GPC5: variants seen among roughly 807,000 people sequenced by gnomAD.
The protein encoded by GPC5 is glypican 5, also known as glypican-5.
A neutral mutation model predicts 53.9 loss-of-function variants in GPC5; 47 were observed. That is an observed-to-expected ratio of 0.87 (90% CI 0.69 to 1.11). The LOEUF is 1.11. GPC5 is among the 50% of genes most tolerant of loss of function. The probability of loss-of-function intolerance (pLI) is 0.00; values close to 1 mark genes in which losing one functional copy is unlikely to be tolerated. For synonymous variants in GPC5, 286 were observed against 263.3 expected (o/e 1.09, Z -0.84); for missense variants, 748 against 713.1 (o/e 1.05, Z -0.56).
chr13:91,724,486 T>G (rs2036538115), intron 3 of GPC5, among the ~76,000 whole-genome samples: 1 of 152,102 alleles, frequency 6.6e-6, no homozygotes, highest in South Asian at 2.1e-4. Flanking sequence ...TTTGTAATAT[T>G]CTAAACATTT....
chr13:91,443,005 C>T (rs755029639), intron 1 of GPC5, among the ~76,000 whole-genome samples: 4 of 152,148 alleles, frequency 2.6e-5, no homozygotes, highest in Non-Finnish European at 5.9e-5. Flanking sequence ...AATCTTCCCT[C>T]ATCATCCTGT....
At chr13:92,355,200 G>T (rs938870555) in intron 7 of GPC5, among the ~76,000 whole-genome samples, 6 of 151,398 alleles carry the variant, frequency 4.0e-5, no homozygotes, top group Admixed American at 3.9e-4. Context: ...TCTCTTGGAG[G>T]TTTTGTGGTT....
rs367798234 is a variant in GPC5, at chr13:91,783,661, C to T, written c.1280+27241C>T. The stretch of plus-strand genomic sequence containing the variant: ...TTCACCATGTTGGCCAGGCTAGTCT[C>T]GAACTCCTGATCTCAAGCGATCTGC... On this transcript the variant is annotated intron_variant, in intron 5 of 7. Coordinates refer to ENST00000377067, the MANE Select transcript of GPC5 (RefSeq NM_004466.6). Among the ~76,000 whole-genome samples, 140 of 152,146 alleles carry T rather than the reference C, an allele frequency of 9.2e-4. 2 individuals are homozygous for T. The South Asian group carries it at 0.025, about 27-fold the overall frequency.
chr13:91,732,621 G>A (rs2036725861), intron 4 of GPC5, among the ~76,000 whole-genome samples: 1 of 152,058 alleles, frequency 6.6e-6, no homozygotes, highest in African/African-American at 2.4e-5. Context: ...GAATGGTATT[G>A]CCTAGGTTTT....
intron 6 of GPC5, among the ~76,000 whole-genome samples, chr13:91,943,258 C>T (rs1207764624): frequency 6.6e-6 from 1 of 151,836 alleles, no homozygotes; most frequent in Non-Finnish European, 1.5e-5. Flanking sequence ...CAAAATGCCT[C>T]AACAGATTAT....
chr13:92,825,681 C>T (rs746465298), intron 7 of GPC5, among the ~76,000 whole-genome samples: 31 of 152,006 alleles, frequency 2.0e-4, no homozygotes, highest in Non-Finnish European at 4.3e-4. Context: ...TTATTTAATT[C>T]ATTATATTCT....
intron 7 of GPC5, among the ~76,000 whole-genome samples, chr13:92,724,274 A>T (rs564072395): frequency 5.3e-5 from 8 of 151,766 alleles, no homozygotes; most frequent in African/African-American, 1.9e-4. Context: ...TATCATTTTT[A>T]GCAAAATAAA....
In GPC5 at chr13:91,534,459, T is replaced by C. The variant is rs1295878231; in HGVS notation, c.325+85537T>C. 2.6e-5 allele frequency among the ~76,000 whole-genome samples: 4 copies of C among 152,256 alleles called. No individual in the cohort carries two copies. In the East Asian group the frequency reaches 7.7e-4, roughly 29 times the overall value. ...AATGTAAAGTGTTTGAGCAATACTA[T>C]GCATGCATTTAGAGTTTGTCAGATA... is the stretch of plus-strand genomic sequence containing the variant. On this transcript the variant is annotated intron_variant, in intron 2 of 7. Coordinates refer to ENST00000377067, the MANE Select transcript of GPC5 (RefSeq NM_004466.6).
intron 6 of GPC5, among the ~76,000 whole-genome samples, chr13:91,962,216 C>T (rs1252943573): frequency 6.6e-6 from 1 of 152,004 alleles, no homozygotes; most frequent in Admixed American, 6.6e-5. Flanking sequence ...TGAAGAGCTC[C>T]TGGGTGGCAT....
At chr13:92,290,548 T>C (rs961617582) in intron 7 of GPC5, among the ~76,000 whole-genome samples, 4 of 152,294 alleles carry the variant, frequency 2.6e-5, no homozygotes, top group Admixed American at 6.5e-5. Flanking sequence ...TGCATCTTCA[T>C]AGCTTAGCTC....
chr13:91,871,768 T>G (rs1440555737), intron 5 of GPC5, among the ~76,000 whole-genome samples: 1 of 152,086 alleles, frequency 6.6e-6, no homozygotes, highest in African/African-American at 2.4e-5. Context: ...TAACTTCGTT[T>G]TCCTTTACAC....
intron 2 of GPC5, among the ~76,000 whole-genome samples, chr13:91,597,179 G>T (rs549686686): frequency 6.6e-6 from 1 of 152,084 alleles, no homozygotes; most frequent in South Asian, 2.1e-4. Context: ...GAAAATCATT[G>T]GTTCCCATAT....
At chr13:92,648,253 T>C (rs776569228) in intron 7 of GPC5, among the ~76,000 whole-genome samples, 4 of 152,142 alleles carry the variant, frequency 2.6e-5, no homozygotes, top group Non-Finnish European at 4.4e-5. Flanking sequence ...TATGCTGAGT[T>C]ACTACAAATG....
intron 6 of GPC5, among the ~76,000 whole-genome samples, chr13:92,102,020 G>C (rs761161248): frequency 1.3e-5 from 2 of 152,098 alleles, no homozygotes; most frequent in Non-Finnish European, 2.9e-5. Flanking sequence ...GAGTATTAAG[G>C]GTCTGGAGAA....
intron 7 of GPC5, among the ~76,000 whole-genome samples, chr13:92,559,330 A>ATGTGTGTGTG (rs5805755): frequency 7.0e-6 from 1 of 143,024 alleles, no homozygotes; most frequent in African/African-American, 2.6e-5. Context: ...TAGTGTGTAT[A>ATGTGTGTGTG]TGTGTGTGTG....
chr13:91,877,780 G>C (rs1166177414), intron 5 of GPC5, among the ~76,000 whole-genome samples: 2 of 152,174 alleles, frequency 1.3e-5, no homozygotes, highest in African/African-American at 4.8e-5. Context: ...GGAGGGGCCA[G>C]AGGTGGAATG....
intron 1 of GPC5, among the ~76,000 whole-genome samples, chr13:91,436,686 G>T (rs1879999237): frequency 2.0e-5 from 3 of 152,320 alleles, no homozygotes; most frequent in Non-Finnish European, 4.4e-5. Flanking sequence ...GGAGAGTTCT[G>T]TAGATGTCTG....
intron 7 of GPC5, among the ~76,000 whole-genome samples, chr13:92,753,720 A>T (rs1874703257): frequency 6.6e-6 from 1 of 152,188 alleles, no homozygotes. Flanking sequence ...AACTGGAAGA[A>T]AGGTATCAGC....
intron 7 of GPC5, among the ~76,000 whole-genome samples, chr13:92,220,425 T>C (rs2139086894): frequency 6.6e-6 from 1 of 152,308 alleles, no homozygotes; most frequent in East Asian, 1.9e-4. Flanking sequence ...CATGCCTCAG[T>C]TTCTTCATCT....
Sources: gnomAD v4.1 joint callset for allele counts (sites outside exome capture counted in the v4.1 genomes callset) on GRCh38, gnomAD v4.1.1 for gene constraint, MANE v1.5 for transcripts, NCBI Gene and HGNC (gene_info 2026-07-23, HGNC 2026-07-21) for gene names.